The following FOXP2 variants were observed in gnomAD, a reference collection of about 807,000 sequenced individuals.
FOXP2 encodes the protein forkhead box protein P2.
FOXP2 carries 12 observed loss-of-function variants against 115.8 expected under a neutral mutation model. The ratio of observed to expected loss-of-function variants is 0.10; its 90% CI spans 0.07 to 0.17. The LOEUF is 0.17. Ranked by LOEUF, FOXP2 falls within the 10% of genes least tolerant of loss-of-function variation. FOXP2 has a pLI of 1.00. For synonymous variants in FOXP2, 328 were observed against 297.7 expected (o/e 1.10, Z -1.05); for missense variants, 629 against 843.5 (o/e 0.75, Z 3.15).
chr7:114,582,340 G>T (rs373955576), intron 3 of FOXP2, among the ~76,000 whole-genome samples: 1 of 152,030 alleles, frequency 6.6e-6, no homozygotes, highest in Non-Finnish European at 1.5e-5. Context: ...TCCTTCTCCC[G>T]CAGTGTCACA....
At chr7:114,302,664 C>T (rs116808719) in intron 2 of FOXP2, among the ~76,000 whole-genome samples, 3,501 of 152,190 alleles carry the variant, frequency 0.023, 84 homozygotes, top group African/African-American at 0.055. Context: ...TGAGTGAGGG[C>T]AGAACCTATG....
chr7:114,313,333 A>G (rs560497498), intron 2 of FOXP2, among the ~76,000 whole-genome samples: 2 of 152,316 alleles, frequency 1.3e-5, no homozygotes, highest in South Asian at 4.1e-4. Context: ...TCCACTGATT[A>G]TTTGGAACAT....
chr7:114,653,817 T>C (rs1256213379), intron 9 of FOXP2, 109 bp from the exon 10 acceptor site: 2 of 1,213,020 alleles, frequency 1.6e-6, no homozygotes, highest in Admixed American at 3.4e-5. Flanking sequence ...GACTTTTACA[T>C]GCAGGAATCA....
At chr7:114,556,263 AAG>A (rs1252407137) in intron 3 of FOXP2, among the ~76,000 whole-genome samples, 2 of 152,166 alleles carry the variant, frequency 1.3e-5, no homozygotes, top group Non-Finnish European at 2.9e-5. Flanking sequence ...AGATGCCAAC[AAG>A]ATAAGCTTCT....
intron 2 of FOXP2, among the ~76,000 whole-genome samples, chr7:114,457,703 C>A (rs1343279941): frequency 3.3e-5 from 5 of 152,076 alleles, no homozygotes; most frequent in Admixed American, 2.0e-4. Flanking sequence ...TCGAGACCAT[C>A]CTGCCTAACA....
chr7:114,670,571 T>A (rs1289942328), intron 16 of FOXP2, among the ~76,000 whole-genome samples: 7 of 152,068 alleles, frequency 4.6e-5, no homozygotes, highest in Non-Finnish European at 2.9e-5. Flanking sequence ...AAGGTGCTCC[T>A]AGACCCCCAC....
chr7:114,101,668 AAAAAT>A (rs1005236305), intron 1 of FOXP2, among the ~76,000 whole-genome samples: 2 of 142,986 alleles, frequency 1.4e-5, no homozygotes, highest in African/African-American at 4.9e-5. Context: ...TTTTACCTAA[AAAAAT>A]AAGAGAACAT....
chr7:114,663,357 G>T, intron 14 of FOXP2, 93 bp from the exon 15 acceptor site: 1 of 933,414 alleles, frequency 1.1e-6, no homozygotes. Flanking sequence ...ATTAGTGTGA[G>T]ACAAGCCAGA....
intron 2 of FOXP2, among the ~76,000 whole-genome samples, chr7:114,505,324 T>G (rs1294355711): frequency 1.3e-5 from 2 of 151,578 alleles, no homozygotes; most frequent in African/African-American, 4.8e-5. Context: ...GTCAGCAGGA[T>G]TTCTACTTGG....
At chr7:114,200,946 G>A (rs938406589) in intron 1 of FOXP2, among the ~76,000 whole-genome samples, 3 of 152,126 alleles carry the variant, frequency 2.0e-5, no homozygotes, top group African/African-American at 7.2e-5. Flanking sequence ...CCTGAGGTCA[G>A]GTGTTCGGGA....
Position 114,669,300 on chromosome 7 carries a change from T to C in FOXP2, c.2003+4864T>C, listed in dbSNP as rs1807362238. 3.9e-5 allele frequency: 6 copies of C among 152,026 alleles called. 1 individual carries two copies. The South Asian group carries it at 1.2e-3, about 31-fold the overall frequency. The allele number at this position is 152,026 out of a possible 1,614,324, so 9.4% of individuals were successfully genotyped here. On this transcript the variant is annotated intron_variant, in intron 16 of 16. Transcript: ENST00000350908. Reference sequence around the variant, plus strand: ...AGGAAAGGTTAAAGCCAGGCGACATTGTATAGATTCTACATAATAATTTTT... The same window carrying C: ...AGGAAAGGTTAAAGCCAGGCGACATCGTATAGATTCTACATAATAATTTTT...
intron 1 of FOXP2, among the ~76,000 whole-genome samples, chr7:114,117,638 C>G (rs537859174): frequency 1.4e-4 from 21 of 152,142 alleles, no homozygotes; most frequent in African/African-American, 4.6e-4. Context: ...GAAATTAAAG[C>G]CTTGATAAAT....
chr7:114,356,382 T>C (rs943967695), intron 2 of FOXP2, among the ~76,000 whole-genome samples: 2 of 152,148 alleles, frequency 1.3e-5, no homozygotes, highest in African/African-American at 4.8e-5. Context: ...GACCATTCTG[T>C]TAATTCAGGG....
At chr7:114,589,096 C>CT (rs1259869054) in intron 3 of FOXP2, among the ~76,000 whole-genome samples, 3 of 152,108 alleles carry the variant, frequency 2.0e-5, no homozygotes, top group African/African-American at 7.2e-5. Context: ...CATCAGACTG[C>CT]TTTTGTTTTA....
At chr7:114,430,980 C>G (rs1476535) in intron 2 of FOXP2, among the ~76,000 whole-genome samples, 4 of 151,600 alleles carry the variant, frequency 2.6e-5, no homozygotes, top group African/African-American at 4.8e-5. Context: ...TCTATTAACA[C>G]TTTTTTCATA....
intron 1 of FOXP2, among the ~76,000 whole-genome samples, chr7:114,110,038 C>T (rs924822388): frequency 2.6e-5 from 4 of 152,094 alleles, no homozygotes; most frequent in African/African-American, 9.7e-5. Flanking sequence ...AGTAAAGTTC[C>T]ACATTTTGTC....
intron 1 of FOXP2, among the ~76,000 whole-genome samples, chr7:114,251,615 C>A (rs973586711): frequency 2.0e-5 from 3 of 152,138 alleles, no homozygotes; most frequent in Admixed American, 2.0e-4. Flanking sequence ...TATAAGAATG[C>A]TTGTGATTTT....
In FOXP2 at chr7:114,610,316, C is replaced by G. The variant is rs979083408; in HGVS notation, c.259-18224C>G. 5.3e-5 allele frequency among the ~76,000 whole-genome samples: 8 copies of G among 152,192 alleles called. No homozygotes were observed. The East Asian group carries it at 1.5e-3, about 29-fold the overall frequency. On this transcript the variant is annotated intron_variant, in intron 3 of 16. Transcript: ENST00000350908. ...GAGCTTTGAATGGTAAAACTGATTT[C>G]AAAAAATTCCATGTTTTGGTATTTT...
In FOXP2 at chr7:114,654,043, C is replaced by T. The variant is rs190627971; in HGVS notation, c.1266+34C>T. 1.0e-3 allele frequency: 1,618 copies of T among 1,612,670 alleles called. 10 individuals are homozygous for T. Among genetic ancestry groups the T allele is most frequent in the Non-Finnish European group, 3.8e-4 (445 of 1,179,060 alleles). On this transcript the variant is annotated intron_variant, in intron 10 of 16. Transcript: ENST00000350908. ...ATATTGCTTTATAAACAGTAAATAG[C>T]TCTACCAATGTAACAGACTAAGAAA... is the stretch of plus-strand genomic sequence containing the variant.
Sources: gnomAD v4.1 joint callset for allele counts (sites outside exome capture counted in the v4.1 genomes callset) on GRCh38, gnomAD v4.1.1 for gene constraint, MANE v1.5 for transcripts, NCBI Gene and HGNC (gene_info 2026-07-23, HGNC 2026-07-21) for gene names.